The following GAB2 variants were observed in gnomAD, a reference collection of about 807,000 sequenced individuals.
GAB2 encodes the protein GRB2 associated binding protein 2.
In GAB2, 26 loss-of-function variants were observed where a neutral mutation model predicts 65.5. The observed-to-expected ratio is 0.40, with a 90% confidence interval of 0.29 to 0.55. The LOEUF (loss-of-function observed/expected upper bound fraction) is 0.55, where lower values mean the gene tolerates loss of function less well. GAB2 is among the 20% of genes least tolerant of loss of function. The pLI is 0.53. For synonymous variants in GAB2, 321 were observed against 329.6 expected (o/e 0.97, Z 0.28); for missense variants, 884 against 875.8 (o/e 1.01, Z -0.12).
At chr11:78,255,195 G>A (rs934234227) in intron 2 of GAB2, among the ~76,000 whole-genome samples, 1 of 152,020 alleles carries the variant, frequency 6.6e-6, no homozygotes, top group African/African-American at 2.4e-5. Flanking sequence ...TACTAGCCAC[G>A]GAATGCCAAG....
At chr11:78,354,614 AAT>A (rs1856330518) in intron 1 of GAB2, among the ~76,000 whole-genome samples, 1 of 152,202 alleles carries the variant, frequency 6.6e-6, no homozygotes, top group Non-Finnish European at 1.5e-5. Context: ...TCTGGACAGC[AAT>A]ACAGCTTTCA....
chr11:78,263,096 A>T (rs930091488), intron 2 of GAB2, among the ~76,000 whole-genome samples: 1 of 152,218 alleles, frequency 6.6e-6, no homozygotes, highest in Non-Finnish European at 1.5e-5. Flanking sequence ...GTTTGCATAA[A>T]CATGTCCTCC....
chr11:78,259,868 G>A (rs1404834019), intron 2 of GAB2, among the ~76,000 whole-genome samples: 1 of 152,186 alleles, frequency 6.6e-6, no homozygotes, highest in East Asian at 1.9e-4. Flanking sequence ...CCCTTACCCT[G>A]CACTAAAAGA....
At chr11:78,227,289 A>G (rs543393971) in intron 3 of GAB2, among the ~76,000 whole-genome samples, 1 of 152,312 alleles carries the variant, frequency 6.6e-6, no homozygotes, top group Admixed American at 6.5e-5. Context: ...CCACTCCCTG[A>G]ACAAGTATCA....
intron 1 of GAB2, among the ~76,000 whole-genome samples, chr11:78,412,770 T>C (rs565839560): frequency 6.6e-5 from 10 of 152,368 alleles, no homozygotes; most frequent in African/African-American, 2.4e-4. Flanking sequence ...CAAAGCTAGA[T>C]GACTTTGGGT....
At chr11:78,268,641 A>G (rs1000551003) in intron 2 of GAB2, among the ~76,000 whole-genome samples, 1 of 151,424 alleles carries the variant, frequency 6.6e-6, no homozygotes, top group Admixed American at 6.6e-5. Flanking sequence ...TTGGGACGAG[A>G]TGCTCCCAAG....
At chr11:78,238,569 A>C (rs1171156772) in intron 3 of GAB2, among the ~76,000 whole-genome samples, 1 of 152,026 alleles carries the variant, frequency 6.6e-6, no homozygotes, top group East Asian at 1.9e-4. Context: ...AGAACTGGAA[A>C]ACTAAGTCAA....
At chr11:78,261,063 G>A (rs185240591) in intron 2 of GAB2, among the ~76,000 whole-genome samples, 41 of 140,386 alleles carry the variant, frequency 2.9e-4, no homozygotes, top group African/African-American at 1.2e-3. Flanking sequence ...ATATATGTAT[G>A]TATGTATATA....
intron 3 of GAB2, among the ~76,000 whole-genome samples, chr11:78,238,935 C>A (rs978101480): frequency 2.6e-5 from 4 of 152,012 alleles, no homozygotes; most frequent in Non-Finnish European, 5.9e-5. Flanking sequence ...AAAAATCAAA[C>A]AACCTGACTG....
chr11:78,289,460 A>T (rs541455504), intron 1 of GAB2, among the ~76,000 whole-genome samples: 2 of 152,366 alleles, frequency 1.3e-5, no homozygotes, highest in South Asian at 4.1e-4. Flanking sequence ...ATGAGAAATC[A>T]ACAAGCTCCT....
At chr11:78,310,349 A>C (rs912244476) in intron 1 of GAB2, among the ~76,000 whole-genome samples, 9 of 107,378 alleles carry the variant, frequency 8.4e-5, no homozygotes, top group Non-Finnish European at 1.5e-4. Flanking sequence ...AAAAATACAA[A>C]AAAAAAAAAA....
chr11:78,225,697 T>C (rs1009922034), intron 4 of GAB2, among the ~76,000 whole-genome samples: 8 of 152,228 alleles, frequency 5.3e-5, no homozygotes, highest in African/African-American at 1.9e-4. Context: ...AACTAGGAGC[T>C]GGGACTCTAG....
chr11:78,255,839 A>G (rs1471430711), intron 2 of GAB2, among the ~76,000 whole-genome samples: 1 of 152,220 alleles, frequency 6.6e-6, no homozygotes, highest in Non-Finnish European at 1.5e-5. Flanking sequence ...GTTTTCAAAT[A>G]TACTTCCAAA....
intron 2 of GAB2, among the ~76,000 whole-genome samples, chr11:78,250,757 G>T (rs369248036): frequency 2.0e-4 from 31 of 152,224 alleles, no homozygotes; most frequent in African/African-American, 7.5e-4. Context: ...CCACTCTTTG[G>T]TGGCGCCTGC....
chr11:78,232,773 A>G (rs1233294167), intron 3 of GAB2, among the ~76,000 whole-genome samples: 1 of 152,224 alleles, frequency 6.6e-6, no homozygotes, highest in Non-Finnish European at 1.5e-5. Context: ...GAAGGCTGGT[A>G]TTAGTAGCCT....
chr11:78,340,429 G>C (rs1030229099), intron 1 of GAB2, among the ~76,000 whole-genome samples: 1 of 152,106 alleles, frequency 6.6e-6, no homozygotes, highest in East Asian at 1.9e-4. Flanking sequence ...CCCTCTCATG[G>C]ACCCTTATTT....
intron 1 of GAB2, among the ~76,000 whole-genome samples, chr11:78,377,469 C>A (rs1320559307): frequency 2.0e-5 from 3 of 152,182 alleles, no homozygotes; most frequent in Admixed American, 6.5e-5. Context: ...TTCTATCACA[C>A]TGGGGATCAG....
intron 3 of GAB2, among the ~76,000 whole-genome samples, chr11:78,249,786 A>G (rs1865395816): frequency 6.6e-6 from 1 of 152,124 alleles, no homozygotes. Flanking sequence ...AAAGCAAGGT[A>G]TGGATTTGTT....
At chr11:78,374,324 G>A (rs911280182) in intron 1 of GAB2, among the ~76,000 whole-genome samples, 10 of 151,696 alleles carry the variant, frequency 6.6e-5, no homozygotes, top group Admixed American at 3.9e-4. Context: ...AAATAATCCG[G>A]TATTTGTCAC....
Sources: allele counts gnomAD v4.1 joint callset (sites outside exome capture counted in the v4.1 genomes callset), GRCh38; gene constraint gnomAD v4.1.1; transcripts MANE v1.5; gene names NCBI Gene and HGNC (gene_info 2026-07-23, HGNC 2026-07-21).